Variants in MACROD2 observed in about 807,000 individuals in gnomAD.
MACROD2 encodes mono-ADP ribosylhydrolase 2, also known as ADP-ribose glycohydrolase MACROD2.
In MACROD2, 36 loss-of-function variants were observed where a neutral mutation model predicts 70.4. The observed-to-expected ratio is 0.51, with a 90% CI of 0.39 to 0.68. The LOEUF (loss-of-function observed/expected upper bound fraction) is 0.68, where lower values mean the gene tolerates loss of function less well. Among genes scored for constraint, MACROD2 ranks in the 30% least tolerant of loss-of-function variants. The pLI is 0.00. For synonymous variants in MACROD2, 172 were observed against 178.8 expected (o/e 0.96, Z 0.30); for missense variants, 496 against 538.4 (o/e 0.92, Z 0.78).
intron 5 of MACROD2, among the ~76,000 whole-genome samples, chr20:14,838,589 T>G (rs1315056843): frequency 2.0e-5 from 3 of 152,160 alleles, no homozygotes; most frequent in Admixed American, 2.0e-4. Flanking sequence ...TTAAATAGCA[T>G]AAATTTACTT....
chr20:14,701,354 A>G (rs1010979013), intron 5 of MACROD2, among the ~76,000 whole-genome samples: 1 of 152,162 alleles, frequency 6.6e-6, no homozygotes, highest in Non-Finnish European at 1.5e-5. Context: ...AAGCTTTTGA[A>G]AGCCTTGCAT....
intron 8 of MACROD2, among the ~76,000 whole-genome samples, chr20:15,580,730 C>T (rs1395715396): frequency 6.6e-6 from 1 of 152,180 alleles, no homozygotes; most frequent in African/African-American, 2.4e-5. Context: ...CATTGGTTAA[C>T]ATTCCTGGGG....
intron 2 of MACROD2, among the ~76,000 whole-genome samples, chr20:14,022,609 G>A (rs558724500): frequency 2.6e-5 from 4 of 151,810 alleles, no homozygotes; most frequent in African/African-American, 7.2e-5. Flanking sequence ...CCCACCCACC[G>A]ACAGGCCCTG....
intron 5 of MACROD2, among the ~76,000 whole-genome samples, chr20:14,842,881 G>C (rs2073101879): frequency 6.6e-6 from 1 of 152,074 alleles, no homozygotes; most frequent in South Asian, 2.1e-4. Flanking sequence ...ATTTCCAGGA[G>C]ACATGTCTGA....
At chr20:14,299,937 C>T (rs765165513) in intron 3 of MACROD2, among the ~76,000 whole-genome samples, 11 of 151,358 alleles carry the variant, frequency 7.3e-5, no homozygotes, top group Admixed American at 2.0e-4. Context: ...TGTATTTATT[C>T]CAAGAAGCTC....
chr20:14,363,812 G>C (rs2083246606), intron 3 of MACROD2, among the ~76,000 whole-genome samples: 1 of 85,076 alleles, frequency 1.2e-5, no homozygotes, highest in South Asian at 4.7e-4. Context: ...GCCAGACTCT[G>C]TCTCAAAAAA....
At chr20:14,230,229 C>G (rs1005178970) in intron 3 of MACROD2, among the ~76,000 whole-genome samples, 2 of 152,066 alleles carry the variant, frequency 1.3e-5, no homozygotes, top group Non-Finnish European at 2.9e-5. Flanking sequence ...CTTTCAATTT[C>G]TCTGTAGCAC....
At chr20:14,235,167 C>T (rs2081857381) in intron 3 of MACROD2, among the ~76,000 whole-genome samples, 1 of 151,936 alleles carries the variant, frequency 6.6e-6, no homozygotes. Context: ...CATCTCCAGA[C>T]TAATATTTTC....
chr20:15,399,614 A>T (rs554705632), intron 6 of MACROD2, among the ~76,000 whole-genome samples: 1 of 152,330 alleles, frequency 6.6e-6, no homozygotes, highest in Admixed American at 6.5e-5. Flanking sequence ...GCTAGATTTG[A>T]GCCACCCAAA....
chr20:15,343,047 T>A (rs1017535952), intron 6 of MACROD2, among the ~76,000 whole-genome samples: 3 of 152,224 alleles, frequency 2.0e-5, no homozygotes, highest in African/African-American at 7.2e-5. Context: ...TAGAAAGTAT[T>A]GCTTCAGTGA....
At chr20:14,242,918 C>CAG (rs1197193803) in intron 3 of MACROD2, among the ~76,000 whole-genome samples, 1 of 152,146 alleles carries the variant, frequency 6.6e-6, no homozygotes, top group Non-Finnish European at 1.5e-5. Context: ...TTAAATTAAA[C>CAG]AGATACTATC....
chr20:15,131,082 T>C (rs2076101303), intron 5 of MACROD2, among the ~76,000 whole-genome samples: 1 of 152,066 alleles, frequency 6.6e-6, no homozygotes, highest in Non-Finnish European at 1.5e-5. Context: ...TACGGGAAGC[T>C]AAATCTCAGC....
intron 5 of MACROD2, among the ~76,000 whole-genome samples, chr20:15,123,619 G>T (rs912651202): frequency 9.1e-6 from 1 of 110,312 alleles, no homozygotes; most frequent in African/African-American, 3.4e-5. Flanking sequence ...TATTTTTTAA[G>T]TATGGCTACT....
intron 4 of MACROD2, among the ~76,000 whole-genome samples, chr20:14,597,575 T>C (rs931831909): frequency 5.3e-5 from 8 of 152,110 alleles, no homozygotes; most frequent in African/African-American, 1.9e-4. Flanking sequence ...TATCCAACTA[T>C]CTTGTTTCAA....
At chr20:15,635,581 A>T (rs1311648475) in intron 8 of MACROD2, among the ~76,000 whole-genome samples, 1 of 152,066 alleles carries the variant, frequency 6.6e-6, no homozygotes, top group Non-Finnish European at 1.5e-5. Flanking sequence ...CATTGAGGCT[A>T]CTAGAGGGTG....
At chr20:14,239,809 A>T (rs1264775834) in intron 3 of MACROD2, among the ~76,000 whole-genome samples, 1 of 152,208 alleles carries the variant, frequency 6.6e-6, no homozygotes, top group Non-Finnish European at 1.5e-5. Context: ...AGCGGTTGCA[A>T]TAAAAACAAA....
intron 6 of MACROD2, among the ~76,000 whole-genome samples, chr20:15,416,632 A>G (rs997770478): frequency 6.6e-6 from 1 of 152,132 alleles, no homozygotes; most frequent in South Asian, 2.1e-4. Flanking sequence ...TGGCTGGGCA[A>G]GGTGGCTCAC....
At chr20:14,792,775 T>G (rs560418348) in intron 5 of MACROD2, among the ~76,000 whole-genome samples, 4 of 152,052 alleles carry the variant, frequency 2.6e-5, no homozygotes, top group Admixed American at 2.6e-4. Context: ...ATTCAGTTTG[T>G]TTTCCCCACT....
intron 3 of MACROD2, among the ~76,000 whole-genome samples, chr20:14,239,306 AT>A (rs1393068155): frequency 6.6e-6 from 1 of 152,232 alleles, no homozygotes; most frequent in Non-Finnish European, 1.5e-5. Flanking sequence ...GCCCAAAGCA[AT>A]TTACAGATTC....
Sources: gnomAD v4.1 joint callset for allele counts (sites outside exome capture counted in the v4.1 genomes callset) on GRCh38, gnomAD v4.1.1 for gene constraint, MANE v1.5 for transcripts, NCBI Gene and HGNC (gene_info 2026-07-23, HGNC 2026-07-21) for gene names.